Variants in SRGAP2 observed in about 807,000 individuals in gnomAD.
The protein encoded by SRGAP2 is SLIT-ROBO Rho GTPase activating protein 2.
In SRGAP2, 15 loss-of-function variants were observed where a neutral mutation model predicts 57.2. The observed-to-expected ratio is 0.26, with a 90% CI of 0.18 to 0.40. The LOEUF (loss-of-function observed/expected upper bound fraction) is 0.40. Ranked by LOEUF, SRGAP2 falls within the 10% of genes least tolerant of loss-of-function variation. SRGAP2 has a pLI of 1.00. For missense variants in SRGAP2, 520 were observed against 669.6 expected, an observed-to-expected ratio of 0.78 and a Z score of 2.47; for synonymous variants, 249 against 248.0, an observed-to-expected ratio of 1.00 and a Z score of -0.04.
chr1:206,332,920 T>C lies in SRGAP2; in HGVS notation c.261-9926T>C, dbSNP rs1674478953. Among the ~76,000 whole-genome samples the C allele has an allele frequency of 2.6e-5, 4 of 152,022 alleles. No individual in the cohort carries two copies. The South Asian group carries it at 8.3e-4, about 32-fold the overall frequency. Reference sequence around the variant, plus strand: ...GAGTTTCCAGTTTTTCTGTTCTGTTTTTTCCCCATCTTTGTGGTTTTCTCT... The same window carrying C: ...GAGTTTCCAGTTTTTCTGTTCTGTTCTTTCCCCATCTTTGTGGTTTTCTCT... On this transcript the variant is annotated intron_variant, in intron 3 of 22. Coordinates refer to ENST00000573034, the MANE Select transcript of SRGAP2 (RefSeq NM_015326.5).
At position 206,458,645 on chromosome 1, in the gene SRGAP2, G is replaced by T; in HGVS notation, c.2530G>T (p.Gly844Trp). 1.3e-6 allele frequency: 1 copy of T among 766,290 alleles called. No individual in the cohort carries two copies. Among genetic ancestry groups the T allele is most frequent in the East Asian group, 2.5e-5 (1 of 40,790 alleles). 47.5% of individuals were successfully genotyped at this position (766,290 alleles called of 1,614,324 possible). A position where few individuals can be genotyped will look rare whatever the true frequency, so the allele number is the denominator to read the frequency against. ...INKQRKRPES[G>W]SIRKTFRSDS... Reference sequence around the variant, plus strand: ...AAGGCAAAGGAAGCGTCCAGAATCTGGGAGCATCCGGAAAACTTTTCGGAG... The same window carrying T: ...AAGGCAAAGGAAGCGTCCAGAATCTTGGAGCATCCGGAAAACTTTTCGGAG... The change falls in exon 22 of 23, where the codon GGG becomes TGG. Residue 844 changes from glycine to tryptophan, a missense_variant. Gly to Trp is a radical substitution (Grantham distance 184). Around this residue, in one of 5 missense-constraint regions of SRGAP2, gnomAD observed 478 missense variants for 373.6 expected, o/e 1.28. Transcript: ENST00000573034.
chr1:206,415,597 C>T (rs1425335069), intron 10 of SRGAP2, among the ~76,000 whole-genome samples: 5 of 152,312 alleles, frequency 3.3e-5, no homozygotes, highest in African/African-American at 1.2e-4. Context: ...GTTCATCTAC[C>T]CTCCCTGCTC....
intron 2 of SRGAP2, among the ~76,000 whole-genome samples, chr1:206,237,375 A>G (rs1226384357): frequency 6.6e-6 from 1 of 152,096 alleles, no homozygotes; most frequent in Non-Finnish European, 1.5e-5. Flanking sequence ...TGGATCTTTC[A>G]AGTAGAGTTC....
chr1:206,289,566 C>T (rs1340677665), intron 2 of SRGAP2, among the ~76,000 whole-genome samples: 2 of 151,608 alleles, frequency 1.3e-5, no homozygotes, highest in Non-Finnish European at 2.9e-5. Context: ...CGTGAGCCAC[C>T]GCGCCCAGCT....
chr1:206,296,294 C>T (rs1452902051), intron 2 of SRGAP2, among the ~76,000 whole-genome samples: 1 of 151,002 alleles, frequency 6.6e-6, no homozygotes, highest in Non-Finnish European at 1.5e-5. Flanking sequence ...TGAGAAAGCA[C>T]ACTATCTTTG....
At chr1:206,259,404 A>G (rs1443965051) in intron 2 of SRGAP2, among the ~76,000 whole-genome samples, 1 of 149,692 alleles carries the variant, frequency 6.7e-6, no homozygotes, top group Non-Finnish European at 1.5e-5. Flanking sequence ...TGGCATGATC[A>G]TAGCTCACTG....
rs1664325029 is a variant in SRGAP2, at chr1:206,462,314, C to T, written c.*894C>T. 1 of 152,602 alleles carries T rather than the reference C, an allele frequency of 6.6e-6. No individual in the cohort carries two copies. The highest frequency in any genetic ancestry group is 2.4e-5 in the African/African-American group (1 of 41,436). The allele number at this position is 152,602 out of a possible 1,614,324, so 9.5% of individuals were successfully genotyped here. A position where few individuals can be genotyped will look rare whatever the true frequency, so the allele number is the denominator to read the frequency against. On this transcript the variant is annotated 3_prime_UTR_variant, in exon 23 of 23. Transcript: ENST00000573034. ...CCTTTGTCTCTGATGGACCATTTTC[C>T]ATTTAAGACATTTTCCTGTATAAGA... is the stretch of plus-strand genomic sequence containing the variant.
chr1:206,445,771 AT>A (rs1662701155), intron 17 of SRGAP2, among the ~76,000 whole-genome samples: 1 of 152,170 alleles, frequency 6.6e-6, no homozygotes, highest in African/African-American at 2.4e-5. Context: ...CCTTTGATAG[AT>A]AAGATCCGGG....
intron 13 of SRGAP2, among the ~76,000 whole-genome samples, chr1:206,423,918 G>A (rs2103259125): frequency 6.6e-6 from 1 of 150,648 alleles, no homozygotes; most frequent in Non-Finnish European, 1.5e-5. Context: ...GGGACTACAG[G>A]TGCACACCAC....
At chr1:206,433,635 CA>C (rs71568100) in intron 14 of SRGAP2, among the ~76,000 whole-genome samples, 6,336 of 113,756 alleles carry the variant, frequency 0.056, 282 homozygotes, top group African/African-American at 0.15. Context: ...GACCCTGTCT[CA>C]AAAAAAAAAA....
intron 14 of SRGAP2, among the ~76,000 whole-genome samples, chr1:206,431,268 C>A (rs1490447624): frequency 2.6e-5 from 4 of 152,160 alleles, no homozygotes; most frequent in African/African-American, 7.2e-5. Flanking sequence ...ACAAATTTAT[C>A]AAGTCCCTGA....
intron 3 of SRGAP2, among the ~76,000 whole-genome samples, chr1:206,321,027 A>G (rs1277648945): frequency 2.8e-5 from 4 of 144,402 alleles, no homozygotes; most frequent in African/African-American, 1.1e-4. Flanking sequence ...TTCAGATTTT[A>G]CCAGTTGTTC....
At chr1:206,423,961 T>A (rs1176369153) in intron 13 of SRGAP2, among the ~76,000 whole-genome samples, 2 of 149,026 alleles carry the variant, frequency 1.3e-5, no homozygotes, top group African/African-American at 2.5e-5. Context: ...TTTTTTTTTT[T>A]TTTTTTTTTT....
Position 206,463,781 on chromosome 1 carries a change from TAGG to T in SRGAP2, c.*2367_*2369del, listed in dbSNP as rs1225176445. 1 of 152,582 alleles carries T rather than the reference TAGG, an allele frequency of 6.6e-6. No individual in the cohort carries two copies. The highest frequency in any genetic ancestry group is 1.5e-5 in the Non-Finnish European group (1 of 68,026). 9.5% of individuals were successfully genotyped at this position (152,582 alleles called of 1,614,324 possible). A position where few individuals can be genotyped will look rare whatever the true frequency, so the allele number is the denominator to read the frequency against. On this transcript the variant is annotated 3_prime_UTR_variant, in exon 23 of 23. Transcript: ENST00000573034. ...TCCTGTCGAGAGGACTAGGAACCGA[TAGG>T]AGGAGAGTCCTTCTCGGCAGAGCTC...
At chr1:206,241,231 T>C (rs1402065977) in intron 2 of SRGAP2, among the ~76,000 whole-genome samples, 1 of 152,192 alleles carries the variant, frequency 6.6e-6, no homozygotes, top group Non-Finnish European at 1.5e-5. Context: ...GAAATGGGTT[T>C]GAGAGAGAAG....
At chr1:206,430,111 G>C (rs1661163433) in intron 13 of SRGAP2, 51 bp from the exon 14 acceptor site, 1 of 779,762 alleles carries the variant, frequency 1.3e-6, no homozygotes, top group African/African-American at 1.7e-5. Context: ...TCTGACCCTG[G>C]GCTATCCCTG....
intron 10 of SRGAP2, among the ~76,000 whole-genome samples, chr1:206,411,030 T>G (rs1553359403): frequency 6.6e-6 from 1 of 152,156 alleles, no homozygotes; most frequent in Non-Finnish European, 1.5e-5. Context: ...CTGGCTAATT[T>G]TTTGTATTTT....
chr1:206,422,531 A>G (rs1639885858), intron 13 of SRGAP2, among the ~76,000 whole-genome samples: 2 of 152,214 alleles, frequency 1.3e-5, no homozygotes, highest in Non-Finnish European at 2.9e-5. Flanking sequence ...ATAGGTGCAT[A>G]TCTTGCAGAG....
chr1:206,227,069 T>A (rs1667318388), intron 2 of SRGAP2, among the ~76,000 whole-genome samples: 2 of 151,972 alleles, frequency 1.3e-5, no homozygotes, highest in African/African-American at 4.8e-5. Context: ...GGGGAACCTC[T>A]TGGGCTCTGT....
Sources: allele counts gnomAD v4.1 joint callset (sites outside exome capture counted in the v4.1 genomes callset), GRCh38; gene constraint gnomAD v4.1.1; regional missense constraint gnomAD v4.1.1; transcripts MANE v1.5; gene names NCBI Gene and HGNC (gene_info 2026-07-23, HGNC 2026-07-21).